The following GTF2F2 variants were observed in gnomAD, a reference collection of about 807,000 sequenced individuals.
GTF2F2 encodes ATP-dependent helicase GTF2F2.
GTF2F2 carries 23 observed loss-of-function variants against 42.2 expected under a neutral mutation model. That is an observed-to-expected ratio of 0.55 (90% CI 0.39 to 0.77). GTF2F2 has a LOEUF of 0.77. GTF2F2 is among the 30% of genes least tolerant of loss of function. GTF2F2 has a pLI of 0.00. For missense variants in GTF2F2, 261 were observed against 287.2 expected (o/e 0.91, Z 0.66); for synonymous variants, 105 against 100.8 (o/e 1.04, Z -0.25).
At chr13:45,138,204 C>T (rs1037183673) in intron 2 of GTF2F2, among the ~76,000 whole-genome samples, 1 of 152,218 alleles carries the variant, frequency 6.6e-6, no homozygotes, top group African/African-American at 2.4e-5. Flanking sequence ...GACCCCAGGA[C>T]TCAGTCCTTA....
chr13:45,180,805 G>A (rs1872116088), intron 4 of GTF2F2, among the ~76,000 whole-genome samples: 1 of 152,102 alleles, frequency 6.6e-6, no homozygotes, highest in Non-Finnish European at 1.5e-5. Flanking sequence ...TTTAAAAGAA[G>A]TATATTTTTG....
chr13:45,270,075 A>G (rs537679537), intron 7 of GTF2F2, among the ~76,000 whole-genome samples: 1 of 152,142 alleles, frequency 6.6e-6, no homozygotes, highest in African/African-American at 2.4e-5. Context: ...CAGGTGATCT[A>G]CATGCCTCAG....
intron 5 of GTF2F2, among the ~76,000 whole-genome samples, chr13:45,244,159 T>A (rs1009248778): frequency 1.1e-4 from 16 of 152,204 alleles, no homozygotes; most frequent in Admixed American, 2.6e-4. Context: ...GCTTTTTCTG[T>A]GTGTGTATAG....
intron 4 of GTF2F2, among the ~76,000 whole-genome samples, chr13:45,164,212 G>A (rs1325466514): frequency 8.6e-5 from 13 of 152,016 alleles, no homozygotes; most frequent in Non-Finnish European, 1.3e-4. Flanking sequence ...CCCAGGAAGT[G>A]GAGGTTGCAG....
intron 5 of GTF2F2, among the ~76,000 whole-genome samples, chr13:45,229,210 C>A (rs1874541015): frequency 6.6e-6 from 1 of 152,148 alleles, no homozygotes; most frequent in Non-Finnish European, 1.5e-5. Context: ...TCCCCTCGCT[C>A]CCTCTTTTTC....
intron 5 of GTF2F2, among the ~76,000 whole-genome samples, chr13:45,209,156 AGAT>A (rs1873532082): frequency 6.6e-6 from 1 of 152,250 alleles, no homozygotes; most frequent in Non-Finnish European, 1.5e-5. Flanking sequence ...GTATGCTGAA[AGAT>A]CAGCTGTTAC....
chr13:45,246,546 C>T (rs1566149853), intron 5 of GTF2F2, among the ~76,000 whole-genome samples: 1 of 152,118 alleles, frequency 6.6e-6, no homozygotes, highest in Non-Finnish European at 1.5e-5. Flanking sequence ...AGTAGCTTTC[C>T]TAGTCAGTGA....
At chr13:45,166,067 G>A (rs1212166314) in intron 4 of GTF2F2, among the ~76,000 whole-genome samples, 2 of 152,050 alleles carry the variant, frequency 1.3e-5, no homozygotes, top group African/African-American at 2.4e-5. Context: ...GCCAGCATCA[G>A]CCTCTCAAAG....
chr13:45,171,460 C>A (rs185373827), intron 4 of GTF2F2, among the ~76,000 whole-genome samples: 192 of 152,202 alleles, frequency 1.3e-3, no homozygotes, highest in African/African-American at 4.5e-3. Context: ...ATTCTGATAC[C>A]ATTTTGTACC....
At position 45,172,069 on chromosome 13, in the gene GTF2F2, C is replaced by T. The variant is rs968968229; in HGVS notation, c.304+20238C>T. ...TGATGCTGCTATGAATATTTGTGTACAAGTTTTTGTGGGAACTTAAGTTTT... is the reference window on the plus strand; with the variant it reads ...TGATGCTGCTATGAATATTTGTGTATAAGTTTTTGTGGGAACTTAAGTTTT... On this transcript the variant is annotated intron_variant, in intron 4 of 7. Coordinates refer to ENST00000340473, the MANE Select transcript of GTF2F2 (RefSeq NM_004128.3). Among the ~76,000 whole-genome samples the T allele has an allele frequency of 1.1e-4, 17 of 152,074 alleles. 1 individual carries two copies. Among genetic ancestry groups the T allele is most frequent in the Non-Finnish European group, 1.5e-5 (1 of 68,018 alleles).
chr13:45,258,376 G>A (rs1012697784), intron 6 of GTF2F2, among the ~76,000 whole-genome samples: 8 of 150,210 alleles, frequency 5.3e-5, no homozygotes, highest in Middle Eastern at 3.2e-3. Flanking sequence ...AAAAAAAAAA[G>A]AAGAAAAATC....
At chr13:45,133,275 G>A (rs1412327276) in intron 1 of GTF2F2, among the ~76,000 whole-genome samples, 3 of 152,078 alleles carry the variant, frequency 2.0e-5, no homozygotes, top group African/African-American at 7.2e-5. Flanking sequence ...TAGAAGAATT[G>A]TTGGGAGTCA....
intron 7 of GTF2F2, among the ~76,000 whole-genome samples, chr13:45,278,438 A>C (rs1450045955): frequency 6.6e-6 from 1 of 152,152 alleles, no homozygotes; most frequent in Non-Finnish European, 1.5e-5. Flanking sequence ...TTGATGAAGA[A>C]TTGCTGGACC....
intron 5 of GTF2F2, among the ~76,000 whole-genome samples, chr13:45,229,340 T>G (rs895943572): frequency 1.7e-4 from 26 of 151,988 alleles, no homozygotes; most frequent in Admixed American, 1.6e-3. Context: ...TACAGCAAAT[T>G]CCTAGCAAGG....
At chr13:45,246,589 A>G (rs1056983535) in intron 5 of GTF2F2, among the ~76,000 whole-genome samples, 1 of 152,202 alleles carries the variant, frequency 6.6e-6, no homozygotes, top group Non-Finnish European at 1.5e-5. Context: ...TTCTGCAAAT[A>G]GTAGCCAGAG....
intron 5 of GTF2F2, among the ~76,000 whole-genome samples, chr13:45,224,814 G>A (rs1444246112): frequency 1.3e-5 from 2 of 152,334 alleles, no homozygotes; most frequent in East Asian, 3.9e-4. Flanking sequence ...GAAGCATGCA[G>A]TTTCAGAATC....
At chr13:45,251,381 A>G (rs984618456) in intron 5 of GTF2F2, among the ~76,000 whole-genome samples, 10 of 152,166 alleles carry the variant, frequency 6.6e-5, no homozygotes, top group African/African-American at 2.4e-4. Context: ...ACATAATGTT[A>G]AACTTGTATT....
chr13:45,236,203 G>T (rs907553667), intron 5 of GTF2F2, among the ~76,000 whole-genome samples: 6 of 152,076 alleles, frequency 3.9e-5, no homozygotes, highest in African/African-American at 1.4e-4. Flanking sequence ...CCCCTAAACT[G>T]TTCATTCCTC....
chr13:45,257,760 A>G (rs918979235), intron 6 of GTF2F2, among the ~76,000 whole-genome samples: 1 of 152,148 alleles, frequency 6.6e-6, no homozygotes, highest in Non-Finnish European at 1.5e-5. Flanking sequence ...TAGAAATACT[A>G]TGTAGATTGA....
Sources: gnomAD v4.1 joint callset for allele counts (sites outside exome capture counted in the v4.1 genomes callset) on GRCh38, gnomAD v4.1.1 for gene constraint, MANE v1.5 for transcripts, NCBI Gene and HGNC (gene_info 2026-07-23, HGNC 2026-07-21) for gene names.